ATP9B: variants seen among roughly 807,000 people sequenced by gnomAD.
The protein encoded by ATP9B is probable phospholipid-transporting ATPase IIB.
ATP9B carries 110 observed loss-of-function variants against 146.1 expected under a neutral mutation model. The ratio of observed to expected loss-of-function variants is 0.75; its 90% CI spans 0.65 to 0.88. The LOEUF is 0.88. Among genes scored for constraint, ATP9B ranks in the 40% least tolerant of loss-of-function variants. The pLI is 0.00. For missense variants in ATP9B, 1,499 were observed against 1,496.4 expected, an observed-to-expected ratio of 1.00 and a Z score of -0.03; for synonymous variants, 604 against 569.7, an observed-to-expected ratio of 1.06 and a Z score of -0.86.
At chr18:79,198,406 G>T in intron 9 of ATP9B, among the ~76,000 whole-genome samples, 1 of 152,150 alleles carries the variant, frequency 6.6e-6, no homozygotes, top group East Asian at 1.9e-4. Flanking sequence ...TGAGAAAAGG[G>T]TTTATTATGG....
Position 79,202,618 on chromosome 18 carries a change from AC to A in ATP9B, c.955-4318del, listed in dbSNP as rs376443169. Among the ~76,000 whole-genome samples, 111 of 152,370 alleles carry A rather than the reference AC, an allele frequency of 7.3e-4. 1 individual carries two copies. The highest frequency in any genetic ancestry group is 2.4e-3 in the African/African-American group (100 of 41,588). On this transcript the variant is annotated intron_variant, in intron 9 of 29. Transcript: ENST00000426216. ...TTAAAGAGAAGGAAAGTGAAATAGAACATTTTAGAGATAATTTATTTTCAGT... is the reference window on the plus strand; with the variant it reads ...TTAAAGAGAAGGAAAGTGAAATAGAAATTTTAGAGATAATTTATTTTCAGT...
In ATP9B at chr18:79,214,051, G is replaced by A. The variant is rs1337696710; in HGVS notation, c.1107+13G>A. ...TCCAAAAAATAAGGTAGGCTAGATTGAGGAGCAACTGCTTTAATGAACTTA... is the reference window on the plus strand; with the variant it reads ...TCCAAAAAATAAGGTAGGCTAGATTAAGGAGCAACTGCTTTAATGAACTTA... On this transcript the variant is annotated intron_variant, in intron 11 of 29. Coordinates refer to ENST00000426216, the MANE Select transcript of ATP9B (RefSeq NM_198531.5). The A allele has an allele frequency of 6.4e-7, 1 of 1,567,208 alleles. No homozygotes were observed. The highest frequency in any genetic ancestry group is 8.6e-7 in the Non-Finnish European group (1 of 1,156,076).
At chr18:79,369,051 G>A (rs2097053018) in intron 26 of ATP9B, among the ~76,000 whole-genome samples, 1 of 151,956 alleles carries the variant, frequency 6.6e-6, no homozygotes. Context: ...TCTTGCATCT[G>A]CCTATAGGAT....
chr18:79,276,742 T>C (rs921513017), intron 12 of ATP9B, among the ~76,000 whole-genome samples: 8 of 152,276 alleles, frequency 5.3e-5, no homozygotes, highest in Non-Finnish European at 8.8e-5. Context: ...GGTGTAAACA[T>C]GTTTGTTGAC....
At chr18:79,289,897 G>T (rs1258730437) in intron 13 of ATP9B, among the ~76,000 whole-genome samples, 3 of 152,158 alleles carry the variant, frequency 2.0e-5, no homozygotes, top group African/African-American at 7.2e-5. Context: ...TGTTTGTCTG[G>T]GTATTAGCAG....
intron 11 of ATP9B, among the ~76,000 whole-genome samples, chr18:79,222,917 G>A (rs2095694549): frequency 6.6e-6 from 1 of 152,200 alleles, no homozygotes; most frequent in African/African-American, 2.4e-5. Context: ...AAAAATTCTT[G>A]TGGAGGTTAA....
intron 15 of ATP9B, among the ~76,000 whole-genome samples, chr18:79,311,823 C>A (rs2096653985): frequency 6.6e-6 from 1 of 152,190 alleles, no homozygotes; most frequent in South Asian, 2.1e-4. Context: ...TCAGGGATGC[C>A]ACCGTGATGG....
chr18:79,244,902 TA>T lies in ATP9B; in HGVS notation c.1108-8478del, dbSNP rs538387057. ...ATGTCTCTTAAAGTTTTATGACTCCTAGTAAGAGACTTTCTTTTACAATATC... is the reference window on the plus strand; with the variant it reads ...ATGTCTCTTAAAGTTTTATGACTCCTGTAAGAGACTTTCTTTTACAATATC... On this transcript the variant is annotated intron_variant, in intron 11 of 29. Coordinates refer to ENST00000426216, the MANE Select transcript of ATP9B (RefSeq NM_198531.5). Among the ~76,000 whole-genome samples, 289 of 152,368 alleles carry T rather than the reference TA, an allele frequency of 1.9e-3. 1 individual carries two copies. Among genetic ancestry groups the T allele is most frequent in the African/African-American group, 6.6e-3 (273 of 41,592 alleles).
chr18:79,177,708 A>G (rs2095195602), intron 8 of ATP9B, among the ~76,000 whole-genome samples: 2 of 150,696 alleles, frequency 1.3e-5, no homozygotes, highest in South Asian at 2.1e-4. Context: ...ACTTAGGCAC[A>G]TAAAAGTGTT....
chr18:79,069,504 A>C lies in ATP9B; in HGVS notation c.94A>C (p.Arg32=). 6.9e-7 allele frequency: 1 copy of C among 1,450,898 alleles called. No individual in the cohort carries two copies. Among genetic ancestry groups the C allele is most frequent in the Admixed American group, 2.7e-5 (1 of 37,248 alleles). The allele number at this position is 1,450,898 out of a possible 1,614,324, so 89.9% of individuals were successfully genotyped here. A position where few individuals can be genotyped will look rare whatever the true frequency, so the allele number is the denominator to read the frequency against. Residue 32 remains arginine (R), a synonymous_variant, in exon 1 of 30, where the codon AGG becomes CGG. Transcript: ENST00000426216. ...RAAYYSAAGP[R]PGADRHSRYQ... ...GGCCTACTACAGCGCCGCGGGGCCC[A>C]GGCCGGGAGCCGACCGGCACAGCAG...
intron 7 of ATP9B, among the ~76,000 whole-genome samples, chr18:79,170,087 C>T (rs1013052485): frequency 6.6e-6 from 1 of 152,172 alleles, no homozygotes; most frequent in East Asian, 1.9e-4. Context: ...CTGTCTCTTG[C>T]TCTGGAGAGG....
chr18:79,243,679 G>A (rs1356620491), intron 11 of ATP9B, among the ~76,000 whole-genome samples: 1 of 152,176 alleles, frequency 6.6e-6, no homozygotes, highest in Non-Finnish European at 1.5e-5. Flanking sequence ...GACCACAGTT[G>A]AGCACTTAAG....
intron 2 of ATP9B, among the ~76,000 whole-genome samples, chr18:79,097,923 C>G (rs2074936855): frequency 6.6e-6 from 1 of 151,620 alleles, no homozygotes; most frequent in Non-Finnish European, 1.5e-5. Context: ...AATGGTATTT[C>G]TAGTTCTAGA....
intron 4 of ATP9B, among the ~76,000 whole-genome samples, chr18:79,122,583 C>T (rs376795826): frequency 6.6e-6 from 1 of 152,134 alleles, no homozygotes; most frequent in East Asian, 1.9e-4. Flanking sequence ...TTTTCATATT[C>T]ATGCTGTGAT....
At chr18:79,339,152 A>G (rs147641854) in intron 19 of ATP9B, among the ~76,000 whole-genome samples, 147 of 151,714 alleles carry the variant, frequency 9.7e-4, no homozygotes, top group Middle Eastern at 3.4e-3. Flanking sequence ...TCATGACTGA[A>G]GTAGGAAGTG....
rs777725646 is a variant in ATP9B at position 79,330,060 on chromosome 18, G to A, written c.1984G>A (p.Ala662Thr). 1 of 1,614,180 alleles carries A rather than the reference G, an allele frequency of 6.2e-7. No homozygotes were observed. The highest frequency in any genetic ancestry group is 8.5e-7 in the Non-Finnish European group (1 of 1,180,012). ...ATTCTACATGAAGGGCGCTGACGTG[G>A]CCATGTCTCCTATCGTGCAGTATAA... ...ITFYMKGADV[A>T]MSPIVQYNDW... Residue 662 changes from alanine to threonine, a missense_variant, in exon 17 of 30, where the codon GCC becomes ACC. Transcript: ENST00000426216.
chr18:79,338,380 C>T (rs2096839064), intron 19 of ATP9B, among the ~76,000 whole-genome samples: 1 of 152,196 alleles, frequency 6.6e-6, no homozygotes, highest in Admixed American at 6.5e-5. Flanking sequence ...CCCCCTCTAC[C>T]TTGGCTGTGT....
intron 26 of ATP9B, among the ~76,000 whole-genome samples, chr18:79,369,748 T>C (rs1211221046): frequency 6.6e-6 from 1 of 152,206 alleles, no homozygotes; most frequent in African/African-American, 2.4e-5. Context: ...CACTGAGTGC[T>C]TCCGTACGAA....
At chr18:79,220,121 A>G (rs1010341681) in intron 11 of ATP9B, among the ~76,000 whole-genome samples, 2 of 152,152 alleles carry the variant, frequency 1.3e-5, no homozygotes, top group Non-Finnish European at 2.9e-5. Flanking sequence ...GCCGGTCGTG[A>G]TGGTGGATGG....
Sources: allele counts gnomAD v4.1 joint callset (sites outside exome capture counted in the v4.1 genomes callset), GRCh38; gene constraint gnomAD v4.1.1; transcripts MANE v1.5; gene names NCBI Gene and HGNC (gene_info 2026-07-23, HGNC 2026-07-21).